ADAMTSL3: variants seen among roughly 807,000 people sequenced by gnomAD.
ADAMTSL3 encodes the protein ADAMTS-like protein 3.
A neutral mutation model predicts 201.7 loss-of-function variants in ADAMTSL3; 128 were observed. The observed-to-expected ratio is 0.63, with a 90% CI of 0.55 to 0.73. The LOEUF is 0.73. Among genes scored for constraint, ADAMTSL3 ranks in the 30% least tolerant of loss-of-function variants. The pLI is 0.00. For missense variants in ADAMTSL3, 1,990 were observed against 2,119.6 expected, an observed-to-expected ratio of 0.94 and a Z score of 1.20; for synonymous variants, 738 against 748.4, an observed-to-expected ratio of 0.99 and a Z score of 0.23.
At chr15:84,015,760 T>C (rs191749675) in intron 24 of ADAMTSL3, among the ~76,000 whole-genome samples, 1 of 152,292 alleles carries the variant, frequency 6.6e-6, no homozygotes, top group Admixed American at 6.5e-5. Context: ...CTTGAATGAT[T>C]TATCCATGCT....
intron 23 of ADAMTSL3, among the ~76,000 whole-genome samples, chr15:84,008,316 A>T (rs1217904241): frequency 2.6e-5 from 4 of 152,148 alleles, no homozygotes; most frequent in Non-Finnish European, 5.9e-5. Flanking sequence ...GCTGGCCTCG[A>T]ACTCCTGACC....
intron 9 of ADAMTSL3, among the ~76,000 whole-genome samples, chr15:83,876,625 T>TTTTTG (rs931943034): frequency 1.2e-4 from 19 of 152,154 alleles, no homozygotes; most frequent in African/African-American, 2.2e-4. Flanking sequence ...TGTTTGTGGG[T>TTTTTG]TTTTGTTTTG....
rs2065141546 is a variant in ADAMTSL3, at chr15:83,874,483, G to A, written c.960+3524G>A. ...CTCCTGACTGGCCAGGGGGTGACAT[G>A]GTGCTGGCAAAATGACCCTTTAGCG... On this transcript the variant is annotated intron_variant, in intron 9 of 29. Transcript: ENST00000286744. 1.4e-5 allele frequency among the ~76,000 whole-genome samples: 2 copies of A among 144,386 alleles called. 1 individual carries two copies. The highest frequency in any genetic ancestry group is 1.4e-4 in the Admixed American group (2 of 14,768). The allele number at this position is 144,386 out of a possible 152,430, so 94.7% of individuals were successfully genotyped here.
At chr15:83,875,656 G>A (rs575007345) in intron 9 of ADAMTSL3, among the ~76,000 whole-genome samples, 98 of 152,200 alleles carry the variant, frequency 6.4e-4, no homozygotes, top group African/African-American at 2.0e-3. Flanking sequence ...GGTGGCACGC[G>A]CCTGTAATCC....
At chr15:83,889,092 C>T (rs932532259) in intron 10 of ADAMTSL3, among the ~76,000 whole-genome samples, 2 of 152,158 alleles carry the variant, frequency 1.3e-5, no homozygotes, top group African/African-American at 4.8e-5. Context: ...ATAGAAGCAT[C>T]ATTTTGTGAC....
intron 4 of ADAMTSL3, among the ~76,000 whole-genome samples, chr15:83,798,808 AAAAAAAAAAAAAAAAAC>A (rs1466721328): frequency 2.8e-5 from 2 of 71,386 alleles, no homozygotes; most frequent in African/African-American, 1.6e-4. Flanking sequence ...CTCCGTCTCA[AAAAAAAAAAAAAAAAAC>A]AAAAAAAAAG....
chr15:83,939,986 C>T lies in ADAMTSL3; in HGVS notation c.2118-2610C>T, dbSNP rs759111239. On this transcript the variant is annotated intron_variant, in intron 17 of 29. Coordinates refer to ENST00000286744, the MANE Select transcript of ADAMTSL3 (RefSeq NM_207517.3). Reference sequence around the variant, plus strand: ...TATTCTCATGTTTATTGCTTCCTTTCTTCTACTTTTTTTGGGATGTAATTG... The same window carrying T: ...TATTCTCATGTTTATTGCTTCCTTTTTTCTACTTTTTTTGGGATGTAATTG... 7.2e-5 allele frequency among the ~76,000 whole-genome samples: 11 copies of T among 152,162 alleles called. 1 individual carries two copies. Among genetic ancestry groups the T allele is most frequent in the East Asian group, 1.9e-4 (1 of 5,182 alleles).
chr15:83,724,466 T>C (rs2141584982), intron 3 of ADAMTSL3, among the ~76,000 whole-genome samples: 1 of 152,230 alleles, frequency 6.6e-6, no homozygotes, highest in Middle Eastern at 3.4e-3. Flanking sequence ...GTGAGATATT[T>C]TGAATCAGGC....
intron 3 of ADAMTSL3, among the ~76,000 whole-genome samples, chr15:83,706,750 A>C: frequency 6.7e-6 from 1 of 150,200 alleles, no homozygotes; most frequent in East Asian, 2.0e-4. Context: ...CACTTAGGTG[A>C]TCCTCCTGCC....
chr15:83,884,607 T>C (rs941436457), intron 9 of ADAMTSL3, among the ~76,000 whole-genome samples: 13 of 152,128 alleles, frequency 8.5e-5, no homozygotes, highest in Admixed American at 8.5e-4. Context: ...CTAGACTGTT[T>C]AAACACCATA....
chr15:84,008,418 C>T (rs1387836976), intron 23 of ADAMTSL3, among the ~76,000 whole-genome samples: 1 of 152,156 alleles, frequency 6.6e-6, no homozygotes. Flanking sequence ...TTAGGCCTTA[C>T]CTTACTTGCT....
chr15:83,809,909 G>C (rs944202502), intron 5 of ADAMTSL3, among the ~76,000 whole-genome samples: 1 of 151,906 alleles, frequency 6.6e-6, no homozygotes, highest in Admixed American at 6.6e-5. Context: ...ATCAGTCCTG[G>C]GTAAGGGTTT....
intron 7 of ADAMTSL3, among the ~76,000 whole-genome samples, chr15:83,845,465 C>A (rs1225977276): frequency 6.6e-6 from 1 of 152,154 alleles, no homozygotes; most frequent in Non-Finnish European, 1.5e-5. Context: ...GGACTGGAAG[C>A]CAAAGACTGG....
chr15:83,750,307 T>TCC (rs2062618645), intron 3 of ADAMTSL3, among the ~76,000 whole-genome samples: 1 of 152,222 alleles, frequency 6.6e-6, no homozygotes, highest in Non-Finnish European at 1.5e-5. Context: ...TCTACTTAAA[T>TCC]AATAATGAAA....
At chr15:83,771,389 A>T (rs1320470984) in intron 3 of ADAMTSL3, among the ~76,000 whole-genome samples, 1 of 152,168 alleles carries the variant, frequency 6.6e-6, no homozygotes, top group Non-Finnish European at 1.5e-5. Context: ...GATCTCTAGA[A>T]CTTTTTAATT....
Position 83,858,831 on chromosome 15 carries a change from G to T in ADAMTSL3, c.793G>T (p.Ala265Ser). Residue 265 changes from alanine (A) to serine (S), a missense_variant, in exon 8 of 30, where the codon GCC becomes TCC. Coordinates refer to ENST00000286744, the MANE Select transcript of ADAMTSL3 (RefSeq NM_207517.3). ...TGTGAGAATTACAGTGAAAGGACCT[G>T]CCCACCTCTGTAAGTAGAATTTAAT... Reference protein sequence around the residue: ...RSVRITVKGPAHLFIESKTLQ... With the variant: ...RSVRITVKGPSHLFIESKTLQ... 1.2e-6 allele frequency: 2 copies of T among 1,609,618 alleles called. No individual in the cohort carries two copies. The highest frequency in any genetic ancestry group is 1.3e-5 in the African/African-American group (1 of 74,828).
At chr15:84,027,279 T>G (rs912162970) in intron 27 of ADAMTSL3, among the ~76,000 whole-genome samples, 5 of 152,184 alleles carry the variant, frequency 3.3e-5, no homozygotes, top group African/African-American at 1.2e-4. Context: ...CTGATGGGAA[T>G]GTAAAATGGT....
At chr15:83,677,689 G>A (rs2141412976) in intron 2 of ADAMTSL3, among the ~76,000 whole-genome samples, 1 of 151,910 alleles carries the variant, frequency 6.6e-6, no homozygotes, top group Admixed American at 6.6e-5. Flanking sequence ...AGAGCATATG[G>A]TTGAGTCATG....
chr15:83,991,347 C>A (rs1395934740), intron 23 of ADAMTSL3, 133 bp downstream of exon 23: 1 of 1,316,832 alleles, frequency 7.6e-7, no homozygotes, highest in Admixed American at 2.1e-5. Flanking sequence ...AAAAGATTTT[C>A]CAGCACACTG....
Sources: allele counts gnomAD v4.1 joint callset (sites outside exome capture counted in the v4.1 genomes callset), GRCh38; gene constraint gnomAD v4.1.1; transcripts MANE v1.5; gene names NCBI Gene and HGNC (gene_info 2026-07-23, HGNC 2026-07-21).